ZNF823: variants seen among roughly 807,000 people sequenced by gnomAD.
The protein encoded by ZNF823 is zinc finger protein 823.
ZNF823 carries 5 observed loss-of-function variants against 11.4 expected under a neutral mutation model. The observed-to-expected ratio is 0.44, with a 90% CI of 0.23 to 0.92. The LOEUF is 0.92. Among genes scored for constraint, ZNF823 ranks in the 40% least tolerant of loss-of-function variants. The pLI, the probability that ZNF823 is intolerant of heterozygous loss-of-function variation, is 0.24. For synonymous variants in ZNF823, 234 were observed against 250.5 expected (o/e 0.93, Z 0.62); for missense variants, 582 against 738.5 (o/e 0.79, Z 2.46).
chr19:11,737,553 C>A (rs1975014869), intron 1 of ZNF823, among the ~76,000 whole-genome samples: 1 of 144,452 alleles, frequency 6.9e-6, no homozygotes, highest in African/African-American at 2.5e-5. Context: ...TGAGCCACCG[C>A]GCCCGGCTTT....
rs142920744 is a variant in ZNF823 at position 11,733,240 on chromosome 19, G to A, written c.3+5577C>T. 1.7e-3 allele frequency among the ~76,000 whole-genome samples: 252 copies of A among 151,838 alleles called. 2 individuals carry two copies. Among genetic ancestry groups the A allele is most frequent in the African/African-American group, 5.8e-3 (242 of 41,404 alleles). On this transcript the variant is annotated intron_variant, in intron 1 of 3. Coordinates refer to ENST00000341191, the MANE Select transcript of ZNF823 (RefSeq NM_001080493.4). ...AAATTAGTTGGGCGTGGTGGCACGC[G>A]CCTGTAGTCCCAGCTACTCAGGAGA...
At chr19:11,736,030 T>C (rs942498696) in intron 1 of ZNF823, among the ~76,000 whole-genome samples, 31 of 149,096 alleles carry the variant, frequency 2.1e-4, no homozygotes, top group African/African-American at 8.1e-4. Flanking sequence ...AGAATAGTTA[T>C]CCACTGTCTC....
At chr19:11,737,761 T>C (rs75160473) in intron 1 of ZNF823, among the ~76,000 whole-genome samples, 1 of 152,182 alleles carries the variant, frequency 6.6e-6, no homozygotes, top group African/African-American at 2.4e-5. Flanking sequence ...TTGCTGGGAA[T>C]TGATGAGAGA....
In ZNF823 at chr19:11,722,478, A is replaced by T; in HGVS notation, c.1056T>A (p.Thr352=). 6.2e-7 allele frequency: 1 copy of T among 1,613,210 alleles called. No individual in the cohort carries two copies. Among genetic ancestry groups the T allele is most frequent in the Non-Finnish European group, 8.5e-7 (1 of 1,179,762 alleles). ...CATAGGGTTTCTCTCCAGTGTGAGT[A>T]GTTTCATGATTTCGAACTGAACTAG... The part of the protein sequence containing the change: ...DCPSSVRNHE[T]THTGEKPYEC... Residue 352 remains threonine, a synonymous_variant, in exon 4 of 4, where the codon ACT becomes ACA. Transcript: ENST00000341191. This position sits in a 1 kb window ranked among gnomAD's most constrained non-coding sequence, Gnocchi z 5.2.
intron 1 of ZNF823, among the ~76,000 whole-genome samples, chr19:11,735,281 C>A (rs28625230): frequency 0.15 from 14,694 of 94,906 alleles, 845 homozygotes; most frequent in African/African-American, 0.27. Flanking sequence ...TTTCAAAAAA[C>A]AAAAAAAAAA....
chr19:11,738,722 C>T, intron 1 of ZNF823, 95 bp downstream of exon 1: 1 of 1,453,472 alleles, frequency 6.9e-7, no homozygotes, highest in Admixed American at 2.5e-5. Flanking sequence ...ACCCCGGAGT[C>T]GCCCAGGGCG....
chr19:11,738,230 G>A (rs1325568684), intron 1 of ZNF823, among the ~76,000 whole-genome samples: 8 of 152,258 alleles, frequency 5.3e-5, no homozygotes, highest in African/African-American at 1.7e-4. Context: ...GTTCTTTCTC[G>A]GATCCTGAAT....
chr19:11,725,194 T>C lies in ZNF823; in HGVS notation c.130+7A>G. ...TTGACTAAGTGAAGAGATGATGTCATCCTTACCTATACAGTCCAGGTTCCT... is the reference window on the plus strand; with the variant it reads ...TTGACTAAGTGAAGAGATGATGTCACCCTTACCTATACAGTCCAGGTTCCT... On this transcript the variant is annotated splice_region_variant and intron_variant, in intron 2 of 3. Transcript: ENST00000341191. The C allele has an allele frequency of 6.2e-7, 1 of 1,611,042 alleles. No homozygotes were observed. Among genetic ancestry groups the C allele is most frequent in the East Asian group, 2.2e-5 (1 of 44,836 alleles).
chr19:11,734,251 A>G (rs182422899), intron 1 of ZNF823, among the ~76,000 whole-genome samples: 17 of 151,870 alleles, frequency 1.1e-4, no homozygotes, highest in Non-Finnish European at 1.6e-4. Context: ...AAAAAAAAAA[A>G]AAAGAAAGAA....
chr19:11,731,060 C>T (rs187912831), intron 1 of ZNF823, among the ~76,000 whole-genome samples: 2 of 150,502 alleles, frequency 1.3e-5, no homozygotes, highest in African/African-American at 4.9e-5. Flanking sequence ...CGCCTGTAAT[C>T]CCAGCACTTT....
rs1005215159 is a variant in ZNF823 at position 11,721,832 on chromosome 19, G to A, written c.1702C>T (p.Arg568Cys). Residue 568 changes from arginine (R) to cysteine (C), a missense_variant, in exon 4 of 4, where the codon CGT becomes TGT. Transcript: ENST00000341191. ...LQCGKAFTRS[R>C]FLRGHEKTHT... is the part of the protein sequence containing the mutation. ...GTTTTTTCATGTCCTCGAAGGAAAC[G>A]GGAACGAGTGAAGGCTTTACCACAT... 35 of 1,606,426 alleles carry A rather than the reference G, an allele frequency of 2.2e-5. No homozygotes were observed. The highest frequency in any genetic ancestry group is 2.8e-5 in the Non-Finnish European group (33 of 1,176,934).
rs765680827 is a variant in ZNF823 at position 11,722,207 on chromosome 19, GT to G, written c.1326del (p.Lys442AsnfsTer54). On this transcript the variant is annotated frameshift_variant, in exon 4 of 4. Coordinates refer to ENST00000341191, the MANE Select transcript of ZNF823 (RefSeq NM_001080493.4). LOFTEE classifies it low-confidence loss of function (END_TRUNC). The surrounding 1 kb of genome is among the most constrained non-coding windows in gnomAD (Gnocchi z 5.2). Reference sequence around the variant, plus strand: ...GCTTTCCCACACTGACATTTATAGGGTTTCACTCCAGTGTGAGTTGCTTCAT... The same window carrying G: ...GCTTTCCCACACTGACATTTATAGGGTTCACTCCAGTGTGAGTTGCTTCAT... ...RRHEATHTGV[K>X]PYKCQCGKAF... The G allele has an allele frequency of 3.7e-6, 6 of 1,613,854 alleles. No homozygotes were observed.
chr19:11,724,206 T>C lies in ZNF823; in HGVS notation c.179A>G (p.Lys60Arg), dbSNP rs202138919. ...GGGTGCAAATTACCTTAGATTTCTC[T>C]TGGCATTTTGGCACTGATCTCCAAT... ...QNIGDQCQNA[K>R]RNLRSHTCEI... The change falls in exon 3 of 4, where the codon AAG becomes AGG. Residue 60 changes from lysine (K) to arginine (R), a missense_variant. Physicochemically the swap from Lys to Arg is conservative, Grantham distance 26. Coordinates refer to ENST00000341191, the MANE Select transcript of ZNF823 (RefSeq NM_001080493.4). The C allele has an allele frequency of 6.2e-7, 1 of 1,609,338 alleles. No homozygotes were observed. Among genetic ancestry groups the C allele is most frequent in the Non-Finnish European group, 8.5e-7 (1 of 1,177,546 alleles).
intron 1 of ZNF823, among the ~76,000 whole-genome samples, chr19:11,727,423 T>A (rs540175135): frequency 2.7e-4 from 41 of 152,010 alleles, no homozygotes; most frequent in African/African-American, 9.7e-4. Context: ...GGCAGGAGAA[T>A]CGCTTGAACC....
At chr19:11,738,646 C>T (rs936685767) in intron 1 of ZNF823, among the ~76,000 whole-genome samples, 171 bp downstream of exon 1, 3 of 152,244 alleles carry the variant, frequency 2.0e-5, no homozygotes, top group Non-Finnish European at 4.4e-5. Flanking sequence ...CGGCTGCCGC[C>T]CCAGCCCCAT....
At chr19:11,736,387 C>T (rs1269913250) in intron 1 of ZNF823, among the ~76,000 whole-genome samples, 2 of 152,122 alleles carry the variant, frequency 1.3e-5, no homozygotes, top group Admixed American at 1.3e-4. Context: ...GGCATGGTAG[C>T]ATACGTCTGT....
At chr19:11,725,081 A>G (rs1035116859) in intron 2 of ZNF823, 120 bp downstream of exon 2, 10 of 1,347,374 alleles carry the variant, frequency 7.4e-6, no homozygotes, top group African/African-American at 2.9e-5. Context: ...ACACCTCTAA[A>G]CCCTGTGTTG....
chr19:11,738,727 AG>A, intron 1 of ZNF823, 89 bp downstream of exon 1: 1 of 1,471,772 alleles, frequency 6.8e-7, no homozygotes, highest in South Asian at 1.4e-5. Context: ...GGAGTCGCCC[AG>A]GGCGAGGCCC....
At chr19:11,737,464 G>T (rs930896483) in intron 1 of ZNF823, among the ~76,000 whole-genome samples, 2 of 151,034 alleles carry the variant, frequency 1.3e-5, no homozygotes, top group Admixed American at 6.6e-5. Flanking sequence ...GTTCCTCCAT[G>T]TTGGTCAGGC....
Sources: gnomAD v4.1 joint callset for allele counts (sites outside exome capture counted in the v4.1 genomes callset) on GRCh38, gnomAD v4.1.1 for gene constraint, Gnocchi (gnomAD v3.1) non-coding constraint, MANE v1.5 for transcripts, NCBI Gene and HGNC (gene_info 2026-07-23, HGNC 2026-07-21) for gene names.